IGSF21: variants seen among roughly 807,000 people sequenced by gnomAD.
IGSF21 encodes the protein immunoglobulin superfamily member 21.
In IGSF21, 28 loss-of-function variants were observed where a neutral mutation model predicts 46.8. The observed-to-expected ratio is 0.60, with a 90% CI of 0.44 to 0.82. The LOEUF is 0.82. Ranked by LOEUF, IGSF21 falls within the 40% of genes least tolerant of loss-of-function variation. The pLI is 0.00. For missense variants in IGSF21, 624 were observed against 665.5 expected, an observed-to-expected ratio of 0.94 and a Z score of 0.69; for synonymous variants, 284 against 273.6, an observed-to-expected ratio of 1.04 and a Z score of -0.38.
intron 2 of IGSF21, among the ~76,000 whole-genome samples, chr1:18,289,669 G>A (rs569115096): frequency 2.6e-5 from 4 of 152,172 alleles, no homozygotes; most frequent in Non-Finnish European, 5.9e-5. Context: ...CTTGGGAGGG[G>A]GGCAAGGGGC....
At chr1:18,316,851 A>C (rs2085547619) in intron 3 of IGSF21, among the ~76,000 whole-genome samples, 1 of 152,210 alleles carries the variant, frequency 6.6e-6, no homozygotes, top group Non-Finnish European at 1.5e-5. Context: ...CGCCTGGTAC[A>C]TACCAAGTGC....
intron 1 of IGSF21, among the ~76,000 whole-genome samples, chr1:18,119,823 A>T (rs910702952): frequency 6.6e-6 from 1 of 151,936 alleles, no homozygotes; most frequent in Non-Finnish European, 1.5e-5. Flanking sequence ...ACTGGTACCA[A>T]TTTGCCATTT....
At chr1:18,141,041 T>G (rs183120326) in intron 1 of IGSF21, among the ~76,000 whole-genome samples, 32 of 152,004 alleles carry the variant, frequency 2.1e-4, no homozygotes, top group African/African-American at 7.7e-4. Flanking sequence ...ACGACCAGAG[T>G]GAAGCACCCC....
At chr1:18,151,632 G>T (rs933225481) in intron 1 of IGSF21, among the ~76,000 whole-genome samples, 11 of 152,158 alleles carry the variant, frequency 7.2e-5, no homozygotes, top group Admixed American at 6.5e-4. Flanking sequence ...CACCATGGTA[G>T]AGGATTTCAC....
chr1:18,193,694 G>A (rs1475665943), intron 1 of IGSF21, among the ~76,000 whole-genome samples: 1 of 151,856 alleles, frequency 6.6e-6, no homozygotes, highest in East Asian at 1.9e-4. Flanking sequence ...TGACTGAAAT[G>A]TTAATCTCCT....
chr1:18,224,242 T>C (rs2084539788), intron 1 of IGSF21, among the ~76,000 whole-genome samples: 1 of 152,074 alleles, frequency 6.6e-6, no homozygotes, highest in African/African-American at 2.4e-5. Context: ...GAGTGTAAAA[T>C]ATGAAGAAAA....
chr1:18,168,904 G>A (rs1338780915), intron 1 of IGSF21, among the ~76,000 whole-genome samples: 1 of 152,128 alleles, frequency 6.6e-6, no homozygotes, highest in Non-Finnish European at 1.5e-5. Flanking sequence ...GGGCCGGAGG[G>A]GAGCAGGTGC....
At chr1:18,207,040 T>A (rs2084335298) in intron 1 of IGSF21, among the ~76,000 whole-genome samples, 1 of 151,956 alleles carries the variant, frequency 6.6e-6, no homozygotes, top group Admixed American at 6.6e-5. Context: ...TTATCTGGAG[T>A]CTTAGGAGCA....
At chr1:18,316,929 A>G (rs145165162) in intron 3 of IGSF21, among the ~76,000 whole-genome samples, 39 of 152,350 alleles carry the variant, frequency 2.6e-4, no homozygotes, top group African/African-American at 8.4e-4. Flanking sequence ...AATGTTCTCA[A>G]TGCTGGGGCT....
chr1:18,237,360 G>A (rs148909535), intron 2 of IGSF21, among the ~76,000 whole-genome samples: 271 of 152,246 alleles, frequency 1.8e-3, no homozygotes, highest in African/African-American at 5.9e-3. Flanking sequence ...CACTCCCCTC[G>A]AGGGGAGCGC....
chr1:18,170,028 G>C (rs1379276738), intron 1 of IGSF21, among the ~76,000 whole-genome samples: 1 of 152,198 alleles, frequency 6.6e-6, no homozygotes, highest in African/African-American at 2.4e-5. Flanking sequence ...GTGCATCTGT[G>C]TTCAAGCCCA....
At chr1:18,346,116 T>A (rs2085890880) in intron 4 of IGSF21, among the ~76,000 whole-genome samples, 1 of 152,168 alleles carries the variant, frequency 6.6e-6, no homozygotes, top group Non-Finnish European at 1.5e-5. Context: ...CCTCACCCTG[T>A]AAATGTCAGT....
chr1:18,281,349 C>A (rs1449533317), intron 2 of IGSF21, among the ~76,000 whole-genome samples: 1 of 151,968 alleles, frequency 6.6e-6, no homozygotes, highest in Non-Finnish European at 1.5e-5. Flanking sequence ...ACCCTGAGGT[C>A]AGGAGTTCGA....
intron 1 of IGSF21, among the ~76,000 whole-genome samples, chr1:18,176,949 C>G (rs547184297): frequency 6.6e-6 from 1 of 152,140 alleles, no homozygotes; most frequent in Non-Finnish European, 1.5e-5. Context: ...TGACATACAG[C>G]GCTTCCTATA....
At chr1:18,228,217 T>G (rs3738089) in intron 2 of IGSF21, among the ~76,000 whole-genome samples, 24,060 of 152,128 alleles carry the variant, frequency 0.16, 2,283 homozygotes, top group Non-Finnish European at 0.21. Flanking sequence ...TGATCTGGTT[T>G]CCACCTTCTT....
intron 1 of IGSF21, among the ~76,000 whole-genome samples, chr1:18,188,177 A>G (rs898395689): frequency 2.0e-5 from 3 of 152,214 alleles, no homozygotes; most frequent in Non-Finnish European, 4.4e-5. Flanking sequence ...TGAAACAAAA[A>G]TAAATTTTCG....
At chr1:18,253,761 G>A (rs1370417033) in intron 2 of IGSF21, among the ~76,000 whole-genome samples, 2 of 152,268 alleles carry the variant, frequency 1.3e-5, no homozygotes, top group Middle Eastern at 3.4e-3. Flanking sequence ...GAACAACCCC[G>A]CACAGTCACT....
intron 2 of IGSF21, among the ~76,000 whole-genome samples, chr1:18,257,810 G>T (rs2084905956): frequency 1.3e-5 from 2 of 152,098 alleles, no homozygotes; most frequent in African/African-American, 2.4e-5. Flanking sequence ...TTTCCTTGAG[G>T]CTCTTCTCTT....
chr1:18,272,511 G>T (rs1219355571), intron 2 of IGSF21, among the ~76,000 whole-genome samples: 1 of 152,238 alleles, frequency 6.6e-6, no homozygotes, highest in Non-Finnish European at 1.5e-5. Context: ...CCTGGCCTTA[G>T]ATGAGTTCTG....
Sources: gnomAD v4.1 joint callset for allele counts (sites outside exome capture counted in the v4.1 genomes callset) on GRCh38, gnomAD v4.1.1 for gene constraint, MANE v1.5 for transcripts, NCBI Gene and HGNC (gene_info 2026-07-23, HGNC 2026-07-21) for gene names.